The following ATP13A3 variants were observed in gnomAD, a reference collection of about 807,000 sequenced individuals.
The protein encoded by ATP13A3 is ATPase 13A3, also known as polyamine-transporting ATPase 13A3.
ATP13A3 carries 59 observed loss-of-function variants against 158.1 expected under a neutral mutation model. That is an observed-to-expected ratio of 0.37 (90% CI 0.30 to 0.46). The LOEUF (loss-of-function observed/expected upper bound fraction) is 0.46, where lower values mean the gene tolerates loss of function less well. Among genes scored for constraint, ATP13A3 ranks in the 20% least tolerant of loss-of-function variants. ATP13A3 has a pLI of 1.00. For synonymous variants in ATP13A3, 491 were observed against 504.3 expected (o/e 0.97, Z 0.35); for missense variants, 1,166 against 1,525.2 (o/e 0.76, Z 3.92).
At chr3:194,481,927 G>A (rs765459242) in intron 2 of ATP13A3, among the ~76,000 whole-genome samples, 4 of 152,180 alleles carry the variant, frequency 2.6e-5, no homozygotes, top group African/African-American at 9.7e-5. Flanking sequence ...CGGTCTTGAC[G>A]TTTACTATTC....
chr3:194,470,318 A>G (rs893530463), intron 2 of ATP13A3, among the ~76,000 whole-genome samples: 4 of 152,230 alleles, frequency 2.6e-5, no homozygotes, highest in South Asian at 4.1e-4. Context: ...TGTGATAGCT[A>G]TAACAAAATA....
intron 30 of ATP13A3, chr3:194,424,269 T>C (rs1716600807): frequency 1.3e-5 from 2 of 151,694 alleles, no homozygotes; most frequent in Admixed American, 1.3e-4. Context: ...AACACAGTTA[T>C]TAGTATAGTT....
intron 21 of ATP13A3, among the ~76,000 whole-genome samples, chr3:194,433,444 CTTG>C (rs905914885): frequency 1.3e-5 from 2 of 151,978 alleles, no homozygotes; most frequent in Non-Finnish European, 2.9e-5. Context: ...GGGGTTTCAC[CTTG>C]TTAGCCAGGA....
intron 2 of ATP13A3, among the ~76,000 whole-genome samples, chr3:194,465,090 A>G (rs543425562): frequency 6.4e-4 from 97 of 152,266 alleles, no homozygotes; most frequent in African/African-American, 2.3e-3. Context: ...CAAAATACAT[A>G]ATGGTTTTCA....
chr3:194,473,444 A>G (rs1173839556), intron 2 of ATP13A3, among the ~76,000 whole-genome samples: 1 of 151,970 alleles, frequency 6.6e-6, no homozygotes, highest in Admixed American at 6.6e-5. Flanking sequence ...TATTTAAAGT[A>G]TAAAATTATA....
intron 2 of ATP13A3, among the ~76,000 whole-genome samples, chr3:194,493,783 T>C (rs756292413): frequency 2.3e-4 from 35 of 152,224 alleles, no homozygotes; most frequent in Non-Finnish European, 4.6e-4. Flanking sequence ...TACTTTCATA[T>C]GTTATCTCAT....
chr3:194,431,001 A>G lies in ATP13A3; in HGVS notation c.2566T>C (p.Phe856Leu). 1 of 1,613,790 alleles carries G rather than the reference A, an allele frequency of 6.2e-7. No homozygotes were observed. The change falls in exon 24 of 34, where the codon TTT (phenylalanine) becomes CTT (leucine). Residue 856 changes from phenylalanine (F) to leucine (L), a missense_variant. By Grantham distance (22) the Phe-to-Leu change is conservative. Around this residue, in one of 3 missense-constraint regions of ATP13A3, gnomAD observed 997 missense variants for 1,341.2 expected, o/e 0.74. Coordinates refer to ENST00000645319, the MANE Select transcript of ATP13A3 (RefSeq NM_001367549.1). ...VPKLMLHGTV[F>L]ARMAPDQKTQ... ...TTCTGATCAGGTGCCATACGGGCAA[A>G]CACGGTGCCATGCAACATCAACTGG...
intron 31 of ATP13A3, 93 bp downstream of exon 31, chr3:194,419,782 AGCAT>A (rs1716157050): frequency 6.7e-7 from 1 of 1,490,354 alleles, no homozygotes; most frequent in Non-Finnish European, 8.9e-7. Context: ...TTAATATAAC[AGCAT>A]CTTAGAATAC....
intron 31 of ATP13A3, among the ~76,000 whole-genome samples, chr3:194,419,413 G>C (rs988774605): frequency 6.6e-6 from 1 of 152,030 alleles, no homozygotes; most frequent in African/African-American, 2.4e-5. Flanking sequence ...GATACACTCA[G>C]GGTGTTATCT....
chr3:194,408,102 C>T (rs528407777), intron 33 of ATP13A3, among the ~76,000 whole-genome samples: 1 of 151,768 alleles, frequency 6.6e-6, no homozygotes, highest in African/African-American at 2.4e-5. Flanking sequence ...TCACTGCAAC[C>T]ACTGTCTCCC....
chr3:194,420,085 A>G, intron 30 of ATP13A3, 118 bp from the exon 31 acceptor site: 1 of 1,123,202 alleles, frequency 8.9e-7, no homozygotes, highest in Non-Finnish European at 1.2e-6. Context: ...CTTTCACTTC[A>G]GTTGATGGAA....
chr3:194,493,313 C>G (rs1721166513), intron 2 of ATP13A3, among the ~76,000 whole-genome samples: 1 of 152,098 alleles, frequency 6.6e-6, no homozygotes, highest in Non-Finnish European at 1.5e-5. Flanking sequence ...TTTACGATCT[C>G]AGATATCATC....
chr3:194,435,086 A>G (rs1028266165), intron 20 of ATP13A3, among the ~76,000 whole-genome samples: 8 of 152,192 alleles, frequency 5.3e-5, no homozygotes, highest in Non-Finnish European at 1.0e-4. Flanking sequence ...TTCCAATAAA[A>G]GTTGCTTGAA....
chr3:194,428,875 G>C lies in ATP13A3; in HGVS notation c.2917C>G (p.Leu973Val). The C allele has an allele frequency of 6.3e-7, 1 of 1,598,594 alleles. No homozygotes were observed. Among genetic ancestry groups the C allele is most frequent in the Non-Finnish European group, 8.6e-7 (1 of 1,168,512 alleles). The part of the protein sequence containing the change: ...LGDFQFLFID[L>V]AIILVVVFTM... The stretch of plus-strand genomic sequence containing the variant: ...AATACCACTACCAAAATGATTGCCA[G>C]ATCAATGAAGAGAAACTGGAAGTCT... The change falls in exon 28 of 34, where the codon CTG (leucine) becomes GTG (valine). Residue 973 changes from leucine to valine, a missense_variant. By Grantham distance (32) the Leu-to-Val change is conservative. This residue lies in a region of ATP13A3 where 997 missense variants were observed against 1,341.2 expected (regional missense o/e 0.74). Transcript: ENST00000645319.
At chr3:194,432,859 C>T (rs1717328351) in intron 21 of ATP13A3, among the ~76,000 whole-genome samples, 1 of 151,924 alleles carries the variant, frequency 6.6e-6, no homozygotes, top group Admixed American at 6.5e-5. Flanking sequence ...TTTCACACAG[C>T]TAATGAGTAA....
At position 194,425,364 on chromosome 3, in the gene ATP13A3, G is replaced by A. The variant is rs1476070107; in HGVS notation, c.3291C>T (p.Phe1097=). 6.2e-7 allele frequency: 1 copy of A among 1,612,620 alleles called. No individual in the cohort carries two copies. Among genetic ancestry groups the A allele is most frequent in the East Asian group, 2.2e-5 (1 of 44,852 alleles). The change falls in exon 30 of 34, where the codon TTC becomes TTT. Residue 1097 remains phenylalanine, a synonymous_variant. Coordinates refer to ENST00000645319, the MANE Select transcript of ATP13A3 (RefSeq NM_001367549.1). The stretch of plus-strand genomic sequence containing the variant: ...TACAATTTTTGTAGCAAGGTTGCCT[G>A]AAGGGTTTTCCTTTTGAAAAGGCAA... ...VAIAFSKGKP[F]RQPCYKNYFF...
intron 30 of ATP13A3, among the ~76,000 whole-genome samples, chr3:194,423,110 T>C (rs571655896): frequency 6.6e-6 from 1 of 152,162 alleles, no homozygotes; most frequent in East Asian, 1.9e-4. Context: ...AGAAATCATG[T>C]CTAGTTAAAG....
intron 29 of ATP13A3, 27 bp from the exon 30 acceptor site, chr3:194,425,556 A>T: frequency 6.4e-7 from 1 of 1,564,334 alleles, no homozygotes; most frequent in South Asian, 1.2e-5. Context: ...AAATGTCTGC[A>T]TTAGTAAACA....
In ATP13A3 at chr3:194,427,327, T is replaced by C. The variant is rs138652141; in HGVS notation, c.2948-75A>G. 2.1e-4 allele frequency: 276 copies of C among 1,320,412 alleles called. 3 individuals are homozygous for C. In the African/African-American group the frequency reaches 3.3e-3, roughly 16 times the overall value. The allele number at this position is 1,320,412 out of a possible 1,614,324, so 81.8% of individuals were successfully genotyped here. ...ACTATATAAGGCATAACTAGATTCA[T>C]TTAGGAACTTTAAAAATTTGTTTTT... On this transcript the variant is annotated intron_variant, in intron 28 of 33. Transcript: ENST00000645319.
Sources: gnomAD v4.1 joint callset for allele counts (sites outside exome capture counted in the v4.1 genomes callset) on GRCh38, gnomAD v4.1.1 for gene constraint, gnomAD v4.1.1 regional missense constraint, MANE v1.5 for transcripts, NCBI Gene and HGNC (gene_info 2026-07-23, HGNC 2026-07-21) for gene names.